CDYL2: variants seen among roughly 807,000 people sequenced by gnomAD.
CDYL2 encodes chromodomain Y-like protein 2.
Under a neutral mutation model 49.4 loss-of-function variants are expected in CDYL2, and 23 were observed. The observed-to-expected ratio is 0.47, with a 90% CI of 0.34 to 0.66. CDYL2 has a LOEUF of 0.66. Ranked by LOEUF, CDYL2 falls within the 30% of genes least tolerant of loss-of-function variation. CDYL2 has a pLI of 0.01. For synonymous variants in CDYL2, 360 were observed against 268.8 expected (o/e 1.34, Z -3.32); for missense variants, 678 against 656.4 (o/e 1.03, Z -0.36).
chr16:80,689,926 G>C (rs542563135), intron 1 of CDYL2, among the ~76,000 whole-genome samples: 1 of 152,132 alleles, frequency 6.6e-6, no homozygotes, highest in African/African-American at 2.4e-5. Flanking sequence ...TTCGAAACCA[G>C]CCTGGCCAAC....
intron 1 of CDYL2, among the ~76,000 whole-genome samples, chr16:80,742,899 A>G (rs1321507840): frequency 6.7e-6 from 1 of 150,218 alleles, no homozygotes; most frequent in African/African-American, 2.5e-5. Flanking sequence ...TGGAAAAAGA[A>G]TGGATGGATG....
At chr16:80,772,654 T>C (rs1450985458) in intron 1 of CDYL2, among the ~76,000 whole-genome samples, 1 of 152,122 alleles carries the variant, frequency 6.6e-6, no homozygotes, top group Non-Finnish European at 1.5e-5. Flanking sequence ...GGTTTCACCG[T>C]GTTAGCCAGG....
intron 3 of CDYL2, among the ~76,000 whole-genome samples, chr16:80,626,386 G>C (rs1003644803): frequency 1.3e-5 from 2 of 151,994 alleles, no homozygotes; most frequent in African/African-American, 2.4e-5. Flanking sequence ...GCAGGGGTTG[G>C]TATGGCGTAC....
chr16:80,705,065 T>G (rs1815077132), intron 1 of CDYL2, among the ~76,000 whole-genome samples: 1 of 152,204 alleles, frequency 6.6e-6, no homozygotes, highest in South Asian at 2.1e-4. Flanking sequence ...AGCTCACCAG[T>G]GCTTCGTCTA....
chr16:80,712,291 G>C (rs538629255), intron 1 of CDYL2, among the ~76,000 whole-genome samples: 1 of 150,336 alleles, frequency 6.7e-6, no homozygotes, highest in South Asian at 2.1e-4. Flanking sequence ...TGTCCAGAGA[G>C]TCCCTGAAAC....
intron 1 of CDYL2, among the ~76,000 whole-genome samples, chr16:80,784,831 A>G (rs1907382262): frequency 6.6e-6 from 1 of 152,176 alleles, no homozygotes; most frequent in African/African-American, 2.4e-5. Flanking sequence ...ATATATCACA[A>G]GGAGGTCTAT....
chr16:80,800,661 A>G (rs1467495622), intron 1 of CDYL2, among the ~76,000 whole-genome samples: 2 of 152,128 alleles, frequency 1.3e-5, no homozygotes, highest in African/African-American at 4.8e-5. Context: ...CCAAGAGGCC[A>G]TGAGCTTGGG....
chr16:80,663,051 T>C (rs967000664), intron 2 of CDYL2, among the ~76,000 whole-genome samples: 1 of 136,060 alleles, frequency 7.3e-6, no homozygotes, highest in Non-Finnish European at 1.7e-5. Context: ...TCAAAAGACA[T>C]AGGGGAAAAA....
At chr16:80,676,461 A>G (rs1207888771) in intron 2 of CDYL2, among the ~76,000 whole-genome samples, 1 of 152,112 alleles carries the variant, frequency 6.6e-6, no homozygotes, top group Non-Finnish European at 1.5e-5. Flanking sequence ...TTCACCAGAT[A>G]GTGTGGGGCC....
intron 1 of CDYL2, among the ~76,000 whole-genome samples, chr16:80,693,261 G>C (rs1380419791): frequency 6.6e-6 from 1 of 152,158 alleles, no homozygotes; most frequent in African/African-American, 2.4e-5. Flanking sequence ...CACTGAAAAT[G>C]TGTGTAATCA....
intron 2 of CDYL2, among the ~76,000 whole-genome samples, chr16:80,666,701 G>A (rs1227716825): frequency 6.6e-6 from 1 of 152,162 alleles, no homozygotes; most frequent in African/African-American, 2.4e-5. Context: ...CCAACACCCA[G>A]GACAACTCAA....
chr16:80,637,188 T>A (rs562085242), intron 2 of CDYL2, among the ~76,000 whole-genome samples: 89 of 148,582 alleles, frequency 6.0e-4, no homozygotes, highest in African/African-American at 2.3e-3. Flanking sequence ...TGTATACATT[T>A]AAAAAAAAAT....
chr16:80,794,882 G>T (rs966695615), intron 1 of CDYL2, among the ~76,000 whole-genome samples: 1 of 152,018 alleles, frequency 6.6e-6, no homozygotes, highest in Non-Finnish European at 1.5e-5. Flanking sequence ...CAAAGTGCTG[G>T]GAGTATAGGC....
At chr16:80,629,944 C>T (rs1907482275) in intron 3 of CDYL2, among the ~76,000 whole-genome samples, 1 of 152,198 alleles carries the variant, frequency 6.6e-6, no homozygotes, top group Non-Finnish European at 1.5e-5. Flanking sequence ...TATCTCTAAT[C>T]TTGCCAGCAA....
At chr16:80,615,623 G>A (rs1217055732) in intron 4 of CDYL2, among the ~76,000 whole-genome samples, 1 of 152,110 alleles carries the variant, frequency 6.6e-6, no homozygotes, top group Admixed American at 6.5e-5. Context: ...ACATCCTTCA[G>A]GAATGGACTG....
chr16:80,667,049 G>C (rs556977064), intron 2 of CDYL2, among the ~76,000 whole-genome samples: 1 of 152,290 alleles, frequency 6.6e-6, no homozygotes, highest in African/African-American at 2.4e-5. Flanking sequence ...ACCATTCCAT[G>C]TGTGCAAATA....
intron 1 of CDYL2, among the ~76,000 whole-genome samples, chr16:80,766,967 A>C (rs1906749079): frequency 6.6e-6 from 1 of 152,116 alleles, no homozygotes; most frequent in Non-Finnish European, 1.5e-5. Flanking sequence ...TATTGCCCCC[A>C]TTTTGCAGAT....
chr16:80,658,048 C>T (rs1908884171), intron 2 of CDYL2, among the ~76,000 whole-genome samples: 1 of 149,054 alleles, frequency 6.7e-6, no homozygotes, highest in Non-Finnish European at 1.5e-5. Context: ...TGGAAAAGTA[C>T]TTTACCTTTA....
In CDYL2 at chr16:80,599,788, C is replaced by T. The variant is rs990029889; in HGVS notation, c.*4600G>A. On this transcript the variant is annotated 3_prime_UTR_variant, in exon 7 of 7. Transcript: ENST00000570137. ...GAACAAATGATGGACCAGCAGCCTTCCCTATGACCGTGTCTAAACCATGTT... is the reference window on the plus strand; with the variant it reads ...GAACAAATGATGGACCAGCAGCCTTTCCTATGACCGTGTCTAAACCATGTT... The T allele has an allele frequency of 6.6e-6, 1 of 152,174 alleles. No homozygotes were observed. Among genetic ancestry groups the T allele is most frequent in the Non-Finnish European group, 1.5e-5 (1 of 68,048 alleles). The allele number at this position is 152,174 out of a possible 1,614,324, so 9.4% of individuals were successfully genotyped here.
Sources: gnomAD v4.1 joint callset for allele counts (sites outside exome capture counted in the v4.1 genomes callset) on GRCh38, gnomAD v4.1.1 for gene constraint, MANE v1.5 for transcripts, NCBI Gene and HGNC (gene_info 2026-07-23, HGNC 2026-07-21) for gene names.